The following SLC16A4 variants were observed in gnomAD, a reference collection of about 807,000 sequenced individuals.
SLC16A4 encodes the protein solute carrier family 16 member 4.
SLC16A4 carries 39 observed loss-of-function variants against 47.9 expected under a neutral mutation model. That is an observed-to-expected ratio of 0.81 (90% CI 0.63 to 1.06). The LOEUF is 1.06. Ranked by LOEUF, SLC16A4 falls within the 50% of genes least tolerant of loss-of-function variation. The pLI, the probability that SLC16A4 is intolerant of heterozygous loss-of-function variation, is 0.00. For missense variants in SLC16A4, 524 were observed against 573.8 expected (o/e 0.91, Z 0.89); for synonymous variants, 189 against 199.9 (o/e 0.95, Z 0.46).
At chr1:110,381,848 T>A (rs1277863897) in intron 3 of SLC16A4, 53 bp from the exon 4 acceptor site, 11 of 1,507,236 alleles carry the variant, frequency 7.3e-6, no homozygotes, top group Non-Finnish European at 6.4e-6. Flanking sequence ...CTGGCATCCC[T>A]TATCCTCTGA....
chr1:110,377,294 G>T (rs1308620890), intron 6 of SLC16A4, 133 bp from the exon 7 acceptor site: 3 of 684,654 alleles, frequency 4.4e-6, no homozygotes, highest in Non-Finnish European at 7.4e-6. Flanking sequence ...TTTGATTTGT[G>T]TACCAGTAAG....
intron 7 of SLC16A4, 125 bp from the exon 8 acceptor site, chr1:110,375,676 G>C: frequency 1.8e-6 from 1 of 566,446 alleles, no homozygotes; most frequent in Non-Finnish European, 3.2e-6. Context: ...GGGGTGAGTT[G>C]GTTGGCTTTT....
In SLC16A4 at chr1:110,379,153, T is replaced by C. The variant is rs778644874; in HGVS notation, c.730A>G (p.Lys244Glu). ...AAATTTTTGCTAGGTAGTCCAGCCT[T>C]CTGCGTAGTACTGTCCTTGATGGTA... ...ESTIKDSTTQ[K>E]AGLPSKNLTV... Residue 244 changes from lysine to glutamate, a missense_variant, in exon 6 of 9, where the codon AAG (lysine) becomes GAG (glutamate). By Grantham distance (56) the Lys-to-Glu change is moderately conservative (BLOSUM62 1). Transcript: ENST00000369779. 1 of 1,614,238 alleles carries C rather than the reference T, an allele frequency of 6.2e-7. No homozygotes were observed. The highest frequency in any genetic ancestry group is 8.5e-7 in the Non-Finnish European group (1 of 1,180,044).
chr1:110,363,486 T>C lies in SLC16A4; in HGVS notation c.*280A>G, dbSNP rs1661190585. ...CTAAAAATACAAAAAATTAGCTGGG[T>C]GTGGTGGCGTGTGCCTGTAGTCCCA... is the stretch of plus-strand genomic sequence containing the variant. On this transcript the variant is annotated 3_prime_UTR_variant, in exon 9 of 9. Coordinates refer to ENST00000369779, the MANE Select transcript of SLC16A4 (RefSeq NM_004696.3). The C allele has an allele frequency of 1.1e-5, 2 of 187,916 alleles. No homozygotes were observed. Among genetic ancestry groups the C allele is most frequent in the African/African-American group, 2.4e-5 (1 of 42,102 alleles). 11.6% of individuals were successfully genotyped at this position (187,916 alleles called of 1,614,324 possible). A position where few individuals can be genotyped will look rare whatever the true frequency, so the allele number is the denominator to read the frequency against.
At chr1:110,374,009 A>ATATATATATATATATATATATATATCCT (rs766941005) in intron 8 of SLC16A4, among the ~76,000 whole-genome samples, 10 of 150,452 alleles carry the variant, frequency 6.6e-5, no homozygotes, top group Middle Eastern at 3.4e-3. Context: ...TCCTTAGTTT[A>ATATATATATATATATATATATATATCCT]TAGTCTCCTT....
chr1:110,384,655 G>A (rs188081656), intron 2 of SLC16A4, among the ~76,000 whole-genome samples: 30 of 152,308 alleles, frequency 2.0e-4, no homozygotes, highest in Admixed American at 7.2e-4. Context: ...GTCTCCAGGG[G>A]TTTCGTAGCG....
At chr1:110,381,608 A>G in intron 4 of SLC16A4, 44 bp downstream of exon 4, 1 of 1,583,730 alleles carries the variant, frequency 6.3e-7, no homozygotes, top group Admixed American at 1.9e-5. Context: ...AGTGTGAGCC[A>G]CCACTCCTGG....
intron 2 of SLC16A4, among the ~76,000 whole-genome samples, chr1:110,388,572 A>G (rs1662856195): frequency 6.6e-6 from 1 of 152,184 alleles, no homozygotes; most frequent in Non-Finnish European, 1.5e-5. Context: ...AGCACCTCCC[A>G]GTGCTACTTT....
At chr1:110,373,915 A>G (rs1402610397) in intron 8 of SLC16A4, among the ~76,000 whole-genome samples, 3 of 149,006 alleles carry the variant, frequency 2.0e-5, no homozygotes, top group Non-Finnish European at 4.5e-5. Flanking sequence ...GGACTCACAC[A>G]ATCCTCCCAC....
chr1:110,376,339 T>G (rs1661998339), intron 7 of SLC16A4, among the ~76,000 whole-genome samples: 2 of 152,152 alleles, frequency 1.3e-5, no homozygotes, highest in African/African-American at 4.8e-5. Flanking sequence ...GAACAGAAGT[T>G]TTCTAGGAAA....
chr1:110,364,875 AAAACTT>A (rs1437611029), intron 8 of SLC16A4, among the ~76,000 whole-genome samples: 1 of 151,992 alleles, frequency 6.6e-6, no homozygotes. Context: ...GGCACATACT[AAAACTT>A]AAGCGAAACA....
intron 8 of SLC16A4, chr1:110,370,431 G>A (rs1284920760): frequency 6.6e-6 from 1 of 152,170 alleles, no homozygotes; most frequent in Non-Finnish European, 1.5e-5. Context: ...ATAGTGGAGC[G>A]AGGACCAGAT....
At chr1:110,390,676 A>G (rs1040964768) in intron 1 of SLC16A4, among the ~76,000 whole-genome samples, 189 bp downstream of exon 1, 4 of 152,328 alleles carry the variant, frequency 2.6e-5, no homozygotes, top group African/African-American at 7.2e-5. Flanking sequence ...GAAAATGTAA[A>G]TGTTCTGAGG....
At chr1:110,369,292 T>A (rs1426894819) in intron 8 of SLC16A4, among the ~76,000 whole-genome samples, 1 of 151,960 alleles carries the variant, frequency 6.6e-6, no homozygotes. Flanking sequence ...AAGTTTACTA[T>A]TGGTCATCTT....
In SLC16A4 at chr1:110,378,900, GT is replaced by G; in HGVS notation, c.982del (p.Thr328HisfsTer15). On this transcript the variant is annotated frameshift_variant, in exon 6 of 9. Coordinates refer to ENST00000369779, the MANE Select transcript of SLC16A4 (RefSeq NM_004696.3). LOFTEE classifies it high-confidence loss of function. Reference sequence around the variant, plus strand: ...GGCATCCATGATGTCAATCCCCAGTGTTTTGGCTCTGGCTACCAGGTGAAAG... The same window carrying G: ...GGCATCCATGATGTCAATCCCCAGTGTTTGGCTCTGGCTACCAGGTGAAAG... ...PTFHLVARAKTLGIDIMDASY... is the reference protein window; with the variant it reads ...PTFHLVARAKXLGIDIMDASY... 1.2e-6 allele frequency: 2 copies of G among 1,614,174 alleles called. No individual in the cohort carries two copies. Among genetic ancestry groups the G allele is most frequent in the East Asian group, 4.5e-5 (2 of 44,888 alleles).
chr1:110,379,240 A>G lies in SLC16A4; in HGVS notation c.643T>C (p.Leu215=). ...TGTGCCTCTGGACCATGTGCAGACAAACTGCTGCCTTTATCTTTAATACCA... is the reference window on the plus strand; with the variant it reads ...TGTGCCTCTGGACCATGTGCAGACAGACTGCTGCCTTTATCTTTAATACCA... The part of the protein sequence containing the change: ...NSGIKDKGSS[L]SAHGPEAHAT... Residue 215 remains leucine, a synonymous_variant, in exon 6 of 9, where the codon TTG becomes CTG. Coordinates refer to ENST00000369779, the MANE Select transcript of SLC16A4 (RefSeq NM_004696.3). 6.2e-7 allele frequency: 1 copy of G among 1,614,212 alleles called. No individual in the cohort carries two copies. The highest frequency in any genetic ancestry group is 8.5e-7 in the Non-Finnish European group (1 of 1,180,038).
chr1:110,364,776 G>T (rs1661287789), intron 8 of SLC16A4, among the ~76,000 whole-genome samples: 1 of 152,134 alleles, frequency 6.6e-6, no homozygotes, highest in African/African-American at 2.4e-5. Flanking sequence ...CTCCCAAAGT[G>T]CTGGGATTAT....
At chr1:110,365,149 TATGGCAGC>T (rs1282697085) in intron 8 of SLC16A4, among the ~76,000 whole-genome samples, 1 of 152,056 alleles carries the variant, frequency 6.6e-6, no homozygotes, top group Non-Finnish European at 1.5e-5. Context: ...TTCAGTGCTG[TATGGCAGC>T]ACAGGTCTGG....
Position 110,378,875 on chromosome 1 carries a change from G to A in SLC16A4, c.1008C>T (p.Ala336=), listed in dbSNP as rs1662177280. ...TACCTGCTACAGAAACAAGGTAAGA[G>A]GCATCCATGATGTCAATCCCCAGTG... ...AKTLGIDIMD[A]SYLVSVAGIL... Residue 336 remains alanine (A), a synonymous_variant, in exon 6 of 9, where the codon GCC becomes GCT. Transcript: ENST00000369779. 1 of 1,613,148 alleles carries A rather than the reference G, an allele frequency of 6.2e-7. No individual in the cohort carries two copies.
Sources: allele counts gnomAD v4.1 joint callset (sites outside exome capture counted in the v4.1 genomes callset), GRCh38; gene constraint gnomAD v4.1.1; transcripts MANE v1.5; gene names NCBI Gene and HGNC (gene_info 2026-07-23, HGNC 2026-07-21).